Variants in EDA observed in about 807,000 individuals in gnomAD.
EDA encodes the protein ectodysplasin-A.
Under a neutral mutation model 23.6 loss-of-function variants are expected in EDA, and 2 were observed. That is an observed-to-expected ratio of 0.08 (90% CI 0.03 to 0.27). EDA has a LOEUF of 0.27. Among genes scored for constraint, EDA ranks in the 10% least tolerant of loss-of-function variants. The pLI, the probability that EDA is intolerant of heterozygous loss-of-function variation, is 1.00. For missense variants in EDA, 229 were observed against 324.2 expected, an observed-to-expected ratio of 0.71 and a Z score of 2.26; for synonymous variants, 131 against 132.0, an observed-to-expected ratio of 0.99 and a Z score of 0.05.
intron 1 of EDA, chrX:69,672,451 T>C (rs1933930480): frequency 9.0e-6 from 1 of 111,182 alleles, no homozygotes; most frequent in Non-Finnish European, 1.9e-5. Context: ...ATTGAGAAGA[T>C]TGGAGAATTT....
intron 1 of EDA, among the ~76,000 whole-genome samples, chrX:69,771,320 A>C (rs754882037): frequency 3.6e-5 from 4 of 111,101 alleles, no homozygotes; most frequent in Non-Finnish European, 7.5e-5. Flanking sequence ...GGCCTCCCAA[A>C]GTGCTGGGAT....
At chrX:69,778,775 C>A (rs1394142475) in intron 1 of EDA, among the ~76,000 whole-genome samples, 2 of 111,270 alleles carry the variant, frequency 1.8e-5, no homozygotes, top group African/African-American at 6.5e-5. Context: ...ATTGAGCAAA[C>A]CAGTAACTGA....
intron 2 of EDA, among the ~76,000 whole-genome samples, chrX:70,004,257 T>TG (rs1282089498): frequency 1.8e-5 from 2 of 111,863 alleles, no homozygotes; most frequent in Non-Finnish European, 3.8e-5. Context: ...TTGTGGAGCC[T>TG]GAAGCCCCAG....
At chrX:69,968,541 C>T (rs964912627) in intron 2 of EDA, among the ~76,000 whole-genome samples, 1 of 111,882 alleles carries the variant, frequency 8.9e-6, no homozygotes, top group African/African-American at 3.2e-5. Context: ...AATGCCCATT[C>T]AGGTACTTAA....
chrX:69,655,254 G>A (rs1333984113), intron 1 of EDA, among the ~76,000 whole-genome samples: 1 of 111,094 alleles, frequency 9.0e-6, no homozygotes, highest in African/African-American at 3.3e-5. Flanking sequence ...AATTAGCCTG[G>A]CATGTGGTGC....
chrX:69,911,790 G>T (rs1024715059), intron 1 of EDA, among the ~76,000 whole-genome samples: 1 of 112,295 alleles, frequency 8.9e-6, no homozygotes, highest in Non-Finnish European at 1.9e-5. Context: ...CTACCAATCA[G>T]CTGAGCCTTC....
chrX:69,775,200 G>GT (rs200434179), intron 1 of EDA, among the ~76,000 whole-genome samples: 1 of 111,414 alleles, frequency 9.0e-6, no homozygotes, highest in East Asian at 2.8e-4. Context: ...TGACAGACAT[G>GT]TTTGGGCTCA....
intron 1 of EDA, among the ~76,000 whole-genome samples, chrX:69,956,213 T>C (rs901016620): frequency 1.8e-5 from 2 of 111,432 alleles, no homozygotes; most frequent in African/African-American, 6.5e-5. Context: ...TAAATAGCAA[T>C]GTGGCAAAAT....
chrX:69,809,016 G>A (rs949697713), intron 1 of EDA, among the ~76,000 whole-genome samples: 6 of 111,436 alleles, frequency 5.4e-5, no homozygotes, highest in Non-Finnish European at 7.5e-5. Context: ...TTTCTTGTAC[G>A]CCTTGTTTCT....
At chrX:69,825,806 A>G (rs370668946) in intron 1 of EDA, among the ~76,000 whole-genome samples, 5 of 111,022 alleles carry the variant, frequency 4.5e-5, no homozygotes, top group African/African-American at 1.6e-4. Flanking sequence ...GTCAATTCTG[A>G]ATCTTTCCTG....
intron 1 of EDA, among the ~76,000 whole-genome samples, chrX:69,682,063 C>G (rs925458387): frequency 5.4e-5 from 6 of 111,424 alleles, no homozygotes; most frequent in African/African-American, 1.6e-4. Flanking sequence ...AGCTGCAGGT[C>G]TGTTGGAGTA....
intron 1 of EDA, among the ~76,000 whole-genome samples, chrX:69,719,964 C>A (rs1292148728): frequency 9.1e-6 from 1 of 110,092 alleles, no homozygotes; most frequent in Non-Finnish European, 1.9e-5. Flanking sequence ...TGGTTAGGCT[C>A]GTCTCGAACT....
At chrX:69,744,343 A>G (rs970822495) in intron 1 of EDA, among the ~76,000 whole-genome samples, 2 of 112,022 alleles carry the variant, frequency 1.8e-5, no homozygotes, top group Admixed American at 1.9e-4. Context: ...AAGATTATGT[A>G]GAAGGCCAGG....
At position 69,631,980 on chromosome X, in the gene EDA, C is replaced by T. The variant is rs756612933; in HGVS notation, c.396+15276C>T. Among the ~76,000 whole-genome samples the T allele has an allele frequency of 5.4e-5, 6 of 111,952 alleles. No homozygotes were observed. In the South Asian group the frequency reaches 2.2e-3, roughly 41 times the overall value. On this transcript the variant is annotated intron_variant, in intron 1 of 7. Transcript: ENST00000374552. ...TGGACCTTACTTATTTGGCCTATAA[C>T]TATATATCCTCTTATGACAGTTCTT... is the stretch of plus-strand genomic sequence containing the variant.
chrX:69,675,510 T>C (rs888553416), intron 1 of EDA, among the ~76,000 whole-genome samples: 1 of 111,807 alleles, frequency 8.9e-6, no homozygotes, highest in African/African-American at 3.2e-5. Flanking sequence ...GACATTTTGA[T>C]CCTTCCTCCT....
At chrX:69,799,943 CA>C (rs971427279) in intron 1 of EDA, among the ~76,000 whole-genome samples, 2 of 111,974 alleles carry the variant, frequency 1.8e-5, no homozygotes, top group Admixed American at 1.9e-4. Flanking sequence ...GCGCTGTTCA[CA>C]ATAATCAAGA....
intron 1 of EDA, among the ~76,000 whole-genome samples, chrX:69,834,708 T>G (rs1249182886): frequency 9.0e-6 from 1 of 111,480 alleles, no homozygotes; most frequent in East Asian, 2.8e-4. Flanking sequence ...ATTTAGCCCA[T>G]GTACATTTAA....
Position 69,669,630 on chromosome X carries a change from A to G in EDA, c.396+52926A>G, listed in dbSNP as rs1393663715. 5.4e-5 allele frequency among the ~76,000 whole-genome samples: 6 copies of G among 111,532 alleles called. No homozygotes were observed. The East Asian group carries it at 1.7e-3, about 31-fold the overall frequency. ...ATTGGGTATTTTTAACAACATTATA[A>G]TTTTAGTTATTGTTAACCATCTTTT... On this transcript the variant is annotated intron_variant, in intron 1 of 7. Coordinates refer to ENST00000374552, the MANE Select transcript of EDA (RefSeq NM_001399.5).
chrX:69,875,509 A>G (rs1569361836), intron 1 of EDA, among the ~76,000 whole-genome samples: 1 of 112,288 alleles, frequency 8.9e-6, no homozygotes, highest in East Asian at 2.8e-4. Flanking sequence ...TTAGAAATCT[A>G]AGACCTGAAA....
Sources: allele counts gnomAD v4.1 joint callset (sites outside exome capture counted in the v4.1 genomes callset), GRCh38; gene constraint gnomAD v4.1.1; transcripts MANE v1.5; gene names NCBI Gene and HGNC (gene_info 2026-07-23, HGNC 2026-07-21).